The following AK5 variants were observed in gnomAD, a reference collection of about 807,000 sequenced individuals.
The protein encoded by AK5 is adenylate kinase 5.
Under a neutral mutation model 69.5 loss-of-function variants are expected in AK5, and 27 were observed. The observed-to-expected ratio is 0.39, with a 90% CI of 0.29 to 0.54. AK5 has a LOEUF of 0.54. AK5 is among the 20% of genes least tolerant of loss of function. The pLI, the probability that AK5 is intolerant of heterozygous loss-of-function variation, is 0.71. For missense variants in AK5, 531 were observed against 700.4 expected (o/e 0.76, Z 2.73); for synonymous variants, 260 against 244.4 (o/e 1.06, Z -0.60).
At chr1:77,422,230 C>T (rs767024831) in intron 8 of AK5, among the ~76,000 whole-genome samples, 2 of 152,162 alleles carry the variant, frequency 1.3e-5, no homozygotes, top group Non-Finnish European at 2.9e-5. Context: ...TTGGTTCACA[C>T]CCTCAGCCTT....
chr1:77,334,655 C>A (rs1352061247), intron 5 of AK5, among the ~76,000 whole-genome samples: 1 of 152,060 alleles, frequency 6.6e-6, no homozygotes, highest in Non-Finnish European at 1.5e-5. Flanking sequence ...TTTCTTCTGA[C>A]CTGTCCTTTT....
intron 6 of AK5, among the ~76,000 whole-genome samples, chr1:77,358,703 C>G (rs1473510917): frequency 2.6e-5 from 4 of 151,794 alleles, no homozygotes; most frequent in Non-Finnish European, 5.9e-5. Context: ...TTAGCTCTTT[C>G]AATTTGAAAA....
chr1:77,346,386 A>G (rs899558354), intron 6 of AK5: 1 of 152,258 alleles, frequency 6.6e-6, no homozygotes, highest in Non-Finnish European at 1.5e-5. Context: ...AAAGTATAAT[A>G]ATACATTTAT....
intron 5 of AK5, among the ~76,000 whole-genome samples, chr1:77,327,675 T>G (rs1660876037): frequency 6.6e-6 from 1 of 152,204 alleles, no homozygotes; most frequent in Non-Finnish European, 1.5e-5. Context: ...TTTTTTAACT[T>G]TACTCATTTG....
At chr1:77,506,178 C>T (rs1218246629) in intron 10 of AK5, among the ~76,000 whole-genome samples, 6 of 151,734 alleles carry the variant, frequency 4.0e-5, no homozygotes, top group South Asian at 2.1e-4. Flanking sequence ...CTGGAACAGG[C>T]GCTGGAGACC....
chr1:77,501,386 G>A (rs1338528433), intron 10 of AK5, among the ~76,000 whole-genome samples: 1 of 152,194 alleles, frequency 6.6e-6, no homozygotes, highest in Non-Finnish European at 1.5e-5. Flanking sequence ...TCTGAGGAAT[G>A]CCTCATCAGG....
chr1:77,316,328 A>AT (rs144569381), intron 5 of AK5, among the ~76,000 whole-genome samples: 13 of 148,536 alleles, frequency 8.8e-5, no homozygotes, highest in South Asian at 2.1e-4. Flanking sequence ...CTATCTGTTC[A>AT]TTTTTTTTTT....
At chr1:77,476,936 G>A (rs1045019806) in intron 8 of AK5, among the ~76,000 whole-genome samples, 16 of 150,524 alleles carry the variant, frequency 1.1e-4, no homozygotes, top group Admixed American at 6.6e-4. Context: ...TAAGGAAAGT[G>A]CAAAAAAATT....
intron 10 of AK5, among the ~76,000 whole-genome samples, chr1:77,499,138 G>A (rs1656540466): frequency 6.6e-6 from 1 of 152,194 alleles, no homozygotes; most frequent in Admixed American, 6.5e-5. Context: ...AGGAGTCAGT[G>A]ACTATTTTGG....
Position 77,282,197 on chromosome 1 carries a change from A to C in AK5, c.-117A>C. On this transcript the variant is annotated 5_prime_UTR_variant, in exon 1 of 14. Transcript: ENST00000354567. ...GAGGCTGAGCTGAGTGCGCGTGAGAAAGAGGGCTGCACCGCTGCTCGGCGC... is the reference window on the plus strand; with the variant it reads ...GAGGCTGAGCTGAGTGCGCGTGAGACAGAGGGCTGCACCGCTGCTCGGCGC... The C allele has an allele frequency of 3.3e-6, 3 of 921,954 alleles. No homozygotes were observed. Among genetic ancestry groups the C allele is most frequent in the Non-Finnish European group, 4.7e-6 (3 of 635,330 alleles). 57.1% of individuals were successfully genotyped at this position (921,954 alleles called of 1,614,324 possible).
At chr1:77,369,783 G>A (rs1211619288) in intron 6 of AK5, among the ~76,000 whole-genome samples, 2 of 152,100 alleles carry the variant, frequency 1.3e-5, no homozygotes, top group Non-Finnish European at 2.9e-5. Flanking sequence ...TCTAAAGGTA[G>A]GAAACATTTG....
At chr1:77,444,047 C>T (rs1201008094) in intron 8 of AK5, among the ~76,000 whole-genome samples, 1 of 150,544 alleles carries the variant, frequency 6.6e-6, no homozygotes, top group Non-Finnish European at 1.5e-5. Context: ...TTCACTTATT[C>T]ATCCTACATA....
chr1:77,461,411 G>A lies in AK5; in HGVS notation c.1060-21906G>A, dbSNP rs1653831151. Among the ~76,000 whole-genome samples, 3 of 152,156 alleles carry A rather than the reference G, an allele frequency of 2.0e-5. No individual in the cohort carries two copies. In the South Asian group the frequency reaches 6.2e-4, roughly 32 times the overall value. ...GTTACCAGAGGCTGGGGTGGTTAGTGGGGAGGGGGGAATGGGGAGATGTCA... is the reference window on the plus strand; with the variant it reads ...GTTACCAGAGGCTGGGGTGGTTAGTAGGGAGGGGGGAATGGGGAGATGTCA... On this transcript the variant is annotated intron_variant, in intron 8 of 13. Coordinates refer to ENST00000354567, the MANE Select transcript of AK5 (RefSeq NM_174858.3).
chr1:77,555,223 A>G (rs1660037886), intron 13 of AK5, among the ~76,000 whole-genome samples: 1 of 152,194 alleles, frequency 6.6e-6, no homozygotes, highest in Admixed American at 6.5e-5. Flanking sequence ...GGTTGCAGTG[A>G]GCTGAGATCG....
chr1:77,470,858 TA>T (rs1557615753), intron 8 of AK5, among the ~76,000 whole-genome samples: 410 of 9,234 alleles, frequency 0.044, 42 homozygotes, highest in Non-Finnish European at 0.056. Context: ...TATATATATA[TA>T]TATATATATA....
intron 6 of AK5, among the ~76,000 whole-genome samples, chr1:77,376,465 A>AAAAATG (rs1647260323): frequency 7.8e-6 from 1 of 128,748 alleles, no homozygotes. Flanking sequence ...AAAAAAAAAC[A>AAAAATG]TGTCTTACTT....
At chr1:77,464,027 A>G (rs1653996561) in intron 8 of AK5, among the ~76,000 whole-genome samples, 1 of 152,232 alleles carries the variant, frequency 6.6e-6, no homozygotes, top group Non-Finnish European at 1.5e-5. Flanking sequence ...GGCACTATGA[A>G]AGATGAAAAG....
chr1:77,394,753 A>G (rs1648721555), intron 6 of AK5, among the ~76,000 whole-genome samples: 1 of 151,402 alleles, frequency 6.6e-6, no homozygotes, highest in African/African-American at 2.4e-5. Flanking sequence ...AGGTCAAAAC[A>G]TAATCTATAT....
intron 8 of AK5, among the ~76,000 whole-genome samples, chr1:77,436,622 T>G (rs1651978562): frequency 6.6e-6 from 1 of 151,790 alleles, no homozygotes; most frequent in Non-Finnish European, 1.5e-5. Flanking sequence ...TGAGTATCTG[T>G]TACTTAATTT....
Sources: gnomAD v4.1 joint callset for allele counts (sites outside exome capture counted in the v4.1 genomes callset) on GRCh38, gnomAD v4.1.1 for gene constraint, MANE v1.5 for transcripts, NCBI Gene and HGNC (gene_info 2026-07-23, HGNC 2026-07-21) for gene names.